ZC2HC1B: variants seen among roughly 807,000 people sequenced by gnomAD.
The protein encoded by ZC2HC1B is zinc finger C2HC-type containing 1B.
Under a neutral mutation model 31.0 loss-of-function variants are expected in ZC2HC1B, and 36 were observed. The observed-to-expected ratio is 1.16, with a 90% CI of 0.89 to 1.54. The LOEUF (loss-of-function observed/expected upper bound fraction) is 1.54. Ranked by LOEUF, ZC2HC1B falls within the 40% of genes most tolerant of loss-of-function variation. ZC2HC1B has a pLI of 0.00. For missense variants in ZC2HC1B, 260 were observed against 268.6 expected (o/e 0.97, Z 0.22); for synonymous variants, 73 against 88.0 (o/e 0.83, Z 0.95).
rs970293673 is a variant in ZC2HC1B at position 143,922,488 on chromosome 6, C to T, written c.599-15161C>T. On this transcript the variant is annotated intron_variant, in intron 6 of 7. Coordinates refer to ENST00000237275, the MANE Select transcript of ZC2HC1B (RefSeq NM_001013623.3). The surrounding 1 kb of genome is among the most constrained non-coding windows in gnomAD (Gnocchi z 5.0). ...CACCAGCACCCTGCCACACACATACCCTTCCCGTCCTCTAGTAACTATCAT... is the reference window on the plus strand; with the variant it reads ...CACCAGCACCCTGCCACACACATACTCTTCCCGTCCTCTAGTAACTATCAT... Among the ~76,000 whole-genome samples, 2 of 152,196 alleles carry T rather than the reference C, an allele frequency of 1.3e-5. No individual in the cohort carries two copies. Among genetic ancestry groups the T allele is most frequent in the African/African-American group, 4.8e-5 (2 of 41,446 alleles).
At position 143,903,035 on chromosome 6, in the gene ZC2HC1B, T is replaced by G. The variant is rs1562343129; in HGVS notation, c.490-9T>G. 1 of 1,551,486 alleles carries G rather than the reference T, an allele frequency of 6.4e-7. No homozygotes were observed. Among genetic ancestry groups the G allele is most frequent in the Non-Finnish European group, 8.7e-7 (1 of 1,146,844 alleles). ...TGTTCTCTTTGTCTCTTTCTTTCTCTCTCTGTAGGGTAGGGCTCAGATGGG... is the reference window on the plus strand; with the variant it reads ...TGTTCTCTTTGTCTCTTTCTTTCTCGCTCTGTAGGGTAGGGCTCAGATGGG... On this transcript the variant is annotated splice_polypyrimidine_tract_variant and intron_variant, in intron 5 of 7. Transcript: ENST00000237275. This position sits in a 1 kb window ranked among gnomAD's most constrained non-coding sequence, Gnocchi z 4.3.
chr6:143,889,505 C>G (rs1190432379), intron 4 of ZC2HC1B, among the ~76,000 whole-genome samples: 1 of 151,532 alleles, frequency 6.6e-6, no homozygotes, highest in Non-Finnish European at 1.5e-5. Context: ...GATATACATG[C>G]AGACAATAAT....
In ZC2HC1B at chr6:143,908,811, A is replaced by G. The variant is rs566263812; in HGVS notation, c.598+5659A>G. Among the ~76,000 whole-genome samples, 87 of 152,214 alleles carry G rather than the reference A, an allele frequency of 5.7e-4. No homozygotes were observed. Among genetic ancestry groups the G allele is most frequent in the African/African-American group, 2.0e-3 (84 of 41,536 alleles). The stretch of plus-strand genomic sequence containing the variant: ...TGCCCTGGACAGAACTTCCAGTACT[A>G]TGTTCAATAGGAGTGGTGAGAGAGG... On this transcript the variant is annotated intron_variant, in intron 6 of 7. Transcript: ENST00000237275. The surrounding 1 kb of genome is among the most constrained non-coding windows in gnomAD (Gnocchi z 4.4).
chr6:143,920,509 AC>A (rs1777974515), intron 6 of ZC2HC1B, among the ~76,000 whole-genome samples: 1 of 152,198 alleles, frequency 6.6e-6, no homozygotes, highest in Non-Finnish European at 1.5e-5. Flanking sequence ...AAGAAAATAG[AC>A]TAGTAGATCA....
chr6:143,867,430 G>A (rs138222725), intron 1 of ZC2HC1B, among the ~76,000 whole-genome samples: 1 of 152,334 alleles, frequency 6.6e-6, no homozygotes, highest in East Asian at 1.9e-4. Flanking sequence ...AAGAACCCAT[G>A]TTTAGATGTC....
rs1471334800 is a variant in ZC2HC1B at position 143,924,026 on chromosome 6, T to C, written c.599-13623T>C. 1.3e-5 allele frequency among the ~76,000 whole-genome samples: 2 copies of C among 152,116 alleles called. No individual in the cohort carries two copies. The highest frequency in any genetic ancestry group is 2.9e-5 in the Non-Finnish European group (2 of 67,988). ...ATAGGGATTACATTGAATCTGTAGA[T>C]TGCTTTGGGTAGTATGGTCATTTTA... On this transcript the variant is annotated intron_variant, in intron 6 of 7. Transcript: ENST00000237275. The surrounding 1 kb of genome is among the most constrained non-coding windows in gnomAD (Gnocchi z 5.2).
In ZC2HC1B at chr6:143,913,243, G is replaced by A. The variant is rs1777881575; in HGVS notation, c.598+10091G>A. Reference sequence around the variant, plus strand: ...CTAGAAGGTTCTACCCAGTGAGGAAGAAGCAGTCTGGCTGTGATCTGGCAA... The same window carrying A: ...CTAGAAGGTTCTACCCAGTGAGGAAAAAGCAGTCTGGCTGTGATCTGGCAA... On this transcript the variant is annotated intron_variant, in intron 6 of 7. Transcript: ENST00000237275. This position sits in a 1 kb window ranked among gnomAD's most constrained non-coding sequence, Gnocchi z 5.7. Among the ~76,000 whole-genome samples, 1 of 152,236 alleles carries A rather than the reference G, an allele frequency of 6.6e-6. No homozygotes were observed. The highest frequency in any genetic ancestry group is 1.5e-5 in the Non-Finnish European group (1 of 68,042).
chr6:143,898,972 C>G (rs1777704340), intron 5 of ZC2HC1B, among the ~76,000 whole-genome samples: 1 of 152,206 alleles, frequency 6.6e-6, no homozygotes, highest in African/African-American at 2.4e-5. Flanking sequence ...TATGGCAAAA[C>G]TCTTTATCCA....
chr6:143,914,857 C>T (rs1474046713), intron 6 of ZC2HC1B, among the ~76,000 whole-genome samples: 1 of 152,050 alleles, frequency 6.6e-6, no homozygotes, highest in African/African-American at 2.4e-5. Context: ...CATGCTATAT[C>T]TTTTTCCATC....
At chr6:143,916,986 G>T (rs1023933592) in intron 6 of ZC2HC1B, among the ~76,000 whole-genome samples, 1 of 152,170 alleles carries the variant, frequency 6.6e-6, no homozygotes, top group Non-Finnish European at 1.5e-5. Context: ...CATGAGATTT[G>T]GGAGGGGCCA....
intron 1 of ZC2HC1B, among the ~76,000 whole-genome samples, chr6:143,878,351 G>A (rs2128493557): frequency 6.6e-6 from 1 of 150,716 alleles, no homozygotes; most frequent in African/African-American, 2.4e-5. Flanking sequence ...GGTGGTGTGG[G>A]CCTGTGCTCC....
intron 1 of ZC2HC1B, among the ~76,000 whole-genome samples, chr6:143,873,119 G>A (rs1445137610): frequency 6.6e-6 from 1 of 152,224 alleles, no homozygotes; most frequent in Non-Finnish European, 1.5e-5. Context: ...TGCAGGTATT[G>A]GGTAAATACA....
chr6:143,937,138 G>A (rs113463342), intron 6 of ZC2HC1B, among the ~76,000 whole-genome samples: 32 of 152,210 alleles, frequency 2.1e-4, no homozygotes, highest in African/African-American at 7.0e-4. Flanking sequence ...ATAAACTTGT[G>A]TATCTCCATA....
rs935741815 is a variant in ZC2HC1B, at chr6:143,885,018, T to C, written c.90+653T>C. On this transcript the variant is annotated intron_variant, in intron 2 of 7. Coordinates refer to ENST00000237275, the MANE Select transcript of ZC2HC1B (RefSeq NM_001013623.3). This position sits in a 1 kb window ranked among gnomAD's most constrained non-coding sequence, Gnocchi z 4.2. ...AAATAGATGGTATGCCCCAATATTA[T>C]AAAGGGGTTCCCAAGAAAGATGATT... 1.3e-5 allele frequency among the ~76,000 whole-genome samples: 2 copies of C among 152,082 alleles called. No individual in the cohort carries two copies. Among genetic ancestry groups the C allele is most frequent in the African/African-American group, 4.8e-5 (2 of 41,406 alleles).
chr6:143,930,451 A>C (rs1778106705), intron 6 of ZC2HC1B, among the ~76,000 whole-genome samples: 1 of 139,624 alleles, frequency 7.2e-6, no homozygotes, highest in Non-Finnish European at 1.5e-5. Context: ...CATTGGTGCG[A>C]TCTCAGCTCA....
chr6:143,874,527 T>C (rs1266835340), intron 1 of ZC2HC1B, among the ~76,000 whole-genome samples: 3 of 152,180 alleles, frequency 2.0e-5, no homozygotes, highest in Non-Finnish European at 2.9e-5. Context: ...GAGGTATAAT[T>C]GGACTTACAG....
intron 6 of ZC2HC1B, among the ~76,000 whole-genome samples, chr6:143,919,481 A>G (rs959733605): frequency 2.6e-5 from 4 of 152,130 alleles, no homozygotes; most frequent in Non-Finnish European, 4.4e-5. Flanking sequence ...GTCCCTTTAA[A>G]TCCCCTGGAA....
chr6:143,901,360 A>G (rs1777736897), intron 5 of ZC2HC1B, among the ~76,000 whole-genome samples: 2 of 145,260 alleles, frequency 1.4e-5, no homozygotes, highest in Non-Finnish European at 1.5e-5. Context: ...CCCGGGTTCA[A>G]GCGATTCTTG....
At chr6:143,864,904 G>C (rs1777237182) in intron 1 of ZC2HC1B, among the ~76,000 whole-genome samples, 1 of 152,194 alleles carries the variant, frequency 6.6e-6, no homozygotes, top group African/African-American at 2.4e-5. Flanking sequence ...CATTTATTTT[G>C]ATAGCTGTCT....
Sources: allele counts gnomAD v4.1 joint callset (sites outside exome capture counted in the v4.1 genomes callset), GRCh38; gene constraint gnomAD v4.1.1; non-coding constraint Gnocchi (gnomAD v3.1); transcripts MANE v1.5; gene names NCBI Gene and HGNC (gene_info 2026-07-23, HGNC 2026-07-21).